The following STAM2 variants were observed in gnomAD, a reference collection of about 807,000 sequenced individuals.
STAM2 encodes signal transducing adapter molecule 2.
In STAM2, 51 loss-of-function variants were observed where a neutral mutation model predicts 65.6. That is an observed-to-expected ratio of 0.78 (90% CI 0.62 to 0.98). The LOEUF is 0.98. Ranked by LOEUF, STAM2 falls within the 50% of genes least tolerant of loss-of-function variation. The pLI, the probability that STAM2 is intolerant of heterozygous loss-of-function variation, is 0.00. For missense variants in STAM2, 584 were observed against 617.8 expected, an observed-to-expected ratio of 0.95 and a Z score of 0.58; for synonymous variants, 198 against 208.4, an observed-to-expected ratio of 0.95 and a Z score of 0.43.
intron 13 of STAM2, 58 bp from the exon 14 acceptor site, chr2:152,120,860 G>C: frequency 7.4e-7 from 1 of 1,351,770 alleles, no homozygotes; most frequent in Non-Finnish European, 1.1e-6. Context: ...TAAGGTTAGA[G>C]ATCAATCATC....
rs760360637 is a variant in STAM2 at position 152,175,651 on chromosome 2, C to A, written c.-9G>T. On this transcript the variant is annotated 5_prime_UTR_variant, in exon 1 of 14. Transcript: ENST00000263904. ...GCGGTGAACAAAGGCATCTCGCCGGCGCCCGAGCCCTAGTCGCTGCTGTCT... is the reference window on the plus strand; with the variant it reads ...GCGGTGAACAAAGGCATCTCGCCGGAGCCCGAGCCCTAGTCGCTGCTGTCT... The A allele has an allele frequency of 6.2e-7, 1 of 1,611,342 alleles. No homozygotes were observed. Among genetic ancestry groups the A allele is most frequent in the Non-Finnish European group, 8.5e-7 (1 of 1,178,938 alleles).
intron 13 of STAM2, among the ~76,000 whole-genome samples, chr2:152,122,055 A>AT (rs1688862263): frequency 9.6e-6 from 1 of 104,212 alleles, no homozygotes; most frequent in African/African-American, 3.8e-5. Context: ...CCCCAAAAAA[A>AT]AAATATATAT....
chr2:152,143,743 A>C, intron 7 of STAM2, 84 bp downstream of exon 7: 1 of 1,122,976 alleles, frequency 8.9e-7, no homozygotes. Context: ...ATTTAAATAC[A>C]CTAAAAGTCA....
intron 1 of STAM2, among the ~76,000 whole-genome samples, chr2:152,155,422 T>C (rs777698534): frequency 3.7e-4 from 57 of 152,330 alleles, no homozygotes; most frequent in Middle Eastern, 3.4e-3. Flanking sequence ...ACGGGCTACA[T>C]AGGATCAAAC....
At chr2:152,158,512 G>A (rs1225073090) in intron 1 of STAM2, among the ~76,000 whole-genome samples, 3 of 152,170 alleles carry the variant, frequency 2.0e-5, no homozygotes, top group East Asian at 1.9e-4. Context: ...ACCCGATCAC[G>A]TGGAAACTTA....
intron 1 of STAM2, among the ~76,000 whole-genome samples, chr2:152,164,914 C>A (rs1022561502): frequency 7.9e-5 from 12 of 152,044 alleles, no homozygotes; most frequent in African/African-American, 2.9e-4. Context: ...CTTTATTTTC[C>A]TACAAGTTCA....
At chr2:152,142,028 C>T (rs776580632) in intron 7 of STAM2, among the ~76,000 whole-genome samples, 7 of 152,178 alleles carry the variant, frequency 4.6e-5, no homozygotes, top group Middle Eastern at 3.2e-3. Context: ...TGGATGACTT[C>T]CTTTTAACCG....
intron 1 of STAM2, among the ~76,000 whole-genome samples, chr2:152,174,731 C>A (rs1450423770): frequency 6.6e-6 from 1 of 152,136 alleles, no homozygotes; most frequent in Non-Finnish European, 1.5e-5. Flanking sequence ...GTCCCAGCTA[C>A]TCGGGAAGGG....
chr2:152,166,081 T>C (rs980404389), intron 1 of STAM2, among the ~76,000 whole-genome samples: 3 of 152,028 alleles, frequency 2.0e-5, no homozygotes, highest in African/African-American at 7.2e-5. Flanking sequence ...TGCACATCTG[T>C]AGTCCCAGAT....
chr2:152,154,961 TG>T (rs149406798), intron 1 of STAM2, among the ~76,000 whole-genome samples: 7,680 of 152,220 alleles, frequency 0.05, 557 homozygotes, highest in African/African-American at 0.16. Flanking sequence ...TCTTTCATAT[TG>T]GTGACTCACA....
intron 1 of STAM2, among the ~76,000 whole-genome samples, chr2:152,164,837 A>G (rs1689747936): frequency 6.6e-6 from 1 of 152,126 alleles, no homozygotes; most frequent in South Asian, 2.1e-4. Flanking sequence ...AACACATAAA[A>G]ATTACCTTTT....
chr2:152,120,520 C>CA lies in STAM2; in HGVS notation c.*53dup, dbSNP rs1357918787. 1 of 1,500,196 alleles carries CA rather than the reference C, an allele frequency of 6.7e-7. No individual in the cohort carries two copies. Among genetic ancestry groups the CA allele is most frequent in the Admixed American group, 1.8e-5 (1 of 56,194 alleles). The allele number at this position is 1,500,196 out of a possible 1,614,324, so 92.9% of individuals were successfully genotyped here. A position where few individuals can be genotyped will look rare whatever the true frequency, so the allele number is the denominator to read the frequency against. On this transcript the variant is annotated 3_prime_UTR_variant, in exon 14 of 14. Coordinates refer to ENST00000263904, the MANE Select transcript of STAM2 (RefSeq NM_005843.6). ...TTTTAATATTTTCAGGTTGGTATCA[C>CA]AAGGACTGAATAATACACTTATGAA...
chr2:152,120,747 G>C lies in STAM2; in HGVS notation c.1405C>G (p.Gln469Glu). 1 of 1,614,176 alleles carries C rather than the reference G, an allele frequency of 6.2e-7. No homozygotes were observed. Among genetic ancestry groups the C allele is most frequent in the Non-Finnish European group, 8.5e-7 (1 of 1,180,020 alleles). The change falls in exon 14 of 14, where the codon CAG (glutamine) becomes GAG (glutamate). Residue 469 changes from glutamine (Q) to glutamate (E), a missense_variant. Gln to Glu is a conservative substitution (Grantham distance 29). Transcript: ENST00000263904. The stretch of plus-strand genomic sequence containing the variant: ...TAAGCAGTTGTACCAGTAGCTGACT[G>C]TAGGTTAGAGTTCTGGTTCATATAA... ...PTYMNQNSNL[Q>E]SATGTTAYTQ... is the part of the protein sequence containing the mutation.
intron 7 of STAM2, among the ~76,000 whole-genome samples, chr2:152,141,038 T>A (rs1206283960): frequency 6.7e-6 from 1 of 149,498 alleles, no homozygotes; most frequent in Non-Finnish European, 1.5e-5. Context: ...ACTCAGGAGG[T>A]TGAGGTGGGA....
At chr2:152,136,848 TCA>T (rs904966305) in intron 7 of STAM2, among the ~76,000 whole-genome samples, 3 of 151,966 alleles carry the variant, frequency 2.0e-5, no homozygotes, top group Admixed American at 1.3e-4. Context: ...CTGCGCTTAT[TCA>T]CAGACGTGAA....
rs371684032 is a variant in STAM2 at position 152,126,317 on chromosome 2, T to A, written c.1088A>T (p.Lys363Ile). The A allele has an allele frequency of 1.2e-6, 2 of 1,606,684 alleles. No individual in the cohort carries two copies. Among genetic ancestry groups the A allele is most frequent in the African/African-American group, 2.7e-5 (2 of 74,648 alleles). Reference sequence around the variant, plus strand: ...GTACACTGGTGCTTCATTCACCAATTTGTTATATAGTTCCAGAGCTTCCAG... The same window carrying A: ...GTACACTGGTGCTTCATTCACCAATATGTTATATAGTTCCAGAGCTTCCAG... ...KVLEALELYN[K>I]LVNEAPVYSV... The change falls in exon 12 of 14, where the codon AAA (lysine) becomes ATA (isoleucine). Residue 363 changes from lysine to isoleucine, a missense_variant. Coordinates refer to ENST00000263904, the MANE Select transcript of STAM2 (RefSeq NM_005843.6).
At chr2:152,154,703 A>C (rs773148242) in intron 1 of STAM2, among the ~76,000 whole-genome samples, 5 of 152,220 alleles carry the variant, frequency 3.3e-5, no homozygotes, top group Non-Finnish European at 7.3e-5. Context: ...GGGTAGAGAA[A>C]AAATATTCCC....
At chr2:152,134,949 GT>G (rs1689127817) in intron 8 of STAM2, among the ~76,000 whole-genome samples, 1 of 152,226 alleles carries the variant, frequency 6.6e-6, no homozygotes, top group South Asian at 2.1e-4. Context: ...GGAACTGTCT[GT>G]GGCTGCAGAC....
In STAM2 at chr2:152,135,591, C is replaced by T; in HGVS notation, c.717G>A (p.Trp239Ter). ...TTCCTCTGTGATTTTCTCCTTTCCACCAATTGGCATCACTAAAAATACAGT... is the reference window on the plus strand; with the variant it reads ...TTCCTCTGTGATTTTCTCCTTTCCATCAATTGGCATCACTAAAAATACAGT... ...IIVLDDSDAN[W>*]WKGENHRGIG... Residue 239 changes from tryptophan to a stop codon, truncating the protein, a stop_gained, in exon 8 of 14, where the codon TGG (tryptophan) becomes TGA (stop). Transcript: ENST00000263904. LOFTEE classifies it high-confidence loss of function. 1 of 1,610,000 alleles carries T rather than the reference C, an allele frequency of 6.2e-7. No homozygotes were observed. Among genetic ancestry groups the T allele is most frequent in the Non-Finnish European group, 8.5e-7 (1 of 1,177,952 alleles).
Sources: gnomAD v4.1 joint callset for allele counts (sites outside exome capture counted in the v4.1 genomes callset) on GRCh38, gnomAD v4.1.1 for gene constraint, MANE v1.5 for transcripts, NCBI Gene and HGNC (gene_info 2026-07-23, HGNC 2026-07-21) for gene names.